RMDN3: variants seen among roughly 807,000 people sequenced by gnomAD.
The protein encoded by RMDN3 is regulator of microtubule dynamics protein 3.
A neutral mutation model predicts 61.8 loss-of-function variants in RMDN3; 41 were observed. The ratio of observed to expected loss-of-function variants is 0.66; its 90% CI spans 0.52 to 0.86. RMDN3 has a LOEUF of 0.86. Ranked by LOEUF, RMDN3 falls within the 40% of genes least tolerant of loss-of-function variation. RMDN3 has a pLI of 0.00. For missense variants in RMDN3, 557 were observed against 585.3 expected, an observed-to-expected ratio of 0.95 and a Z score of 0.50; for synonymous variants, 247 against 232.0, an observed-to-expected ratio of 1.06 and a Z score of -0.59.
rs1452346224 is a variant in RMDN3 at position 40,737,333 on chromosome 15, T to G, written c.1233A>C (p.Glu411Asp). 6.2e-7 allele frequency: 1 copy of G among 1,613,564 alleles called. No homozygotes were observed. The highest frequency in any genetic ancestry group is 1.7e-5 in the Admixed American group (1 of 60,000). The change falls in exon 11 of 13, where the codon GAA (glutamate) becomes GAC (aspartate). Residue 411 changes from glutamate to aspartate, a missense_variant. Coordinates refer to ENST00000338376, the MANE Select transcript of RMDN3 (RefSeq NM_018145.3). Reference protein sequence around the residue: ...DALQSFLKAEELQPGFSKAGR... With the variant: ...DALQSFLKAEDLQPGFSKAGR... ...CTGCTTTGGAAAATCCTGGCTGTAG[T>G]TCTTCAGCCTGGGAAAAGGGACAAA...
intron 5 of RMDN3, 182 bp from the exon 6 acceptor site, chr15:40,744,331 A>G (rs925790399): frequency 3.4e-5 from 20 of 593,062 alleles, no homozygotes; most frequent in South Asian, 2.7e-4. Context: ...CAGTTAATGT[A>G]TGACACATTC....
chr15:40,738,458 T>G (rs777157232), intron 8 of RMDN3, 43 bp downstream of exon 8: 8 of 1,600,422 alleles, frequency 5.0e-6, no homozygotes, highest in Non-Finnish European at 6.8e-6. Flanking sequence ...GTGGGGAATC[T>G]GGGATAGGCC....
rs3214673 is a variant in RMDN3, at chr15:40,740,240, C to CT, written c.911-48dup. The CT allele has an allele frequency of 2.2e-4, 283 of 1,262,178 alleles. No homozygotes were observed. In the East Asian group the frequency reaches 6.0e-3, roughly 27 times the overall value. The allele number at this position is 1,262,178 out of a possible 1,614,324, so 78.2% of individuals were successfully genotyped here. Reference sequence around the variant, plus strand: ...AGAGTTGACATAGCTCTTATGCACACTTTCATAGGAAGGCTTGTGGGAAGA... The same window carrying CT: ...AGAGTTGACATAGCTCTTATGCACACTTTTCATAGGAAGGCTTGTGGGAAGA... On this transcript the variant is annotated intron_variant, in intron 6 of 12. Transcript: ENST00000338376.
chr15:40,736,631 TAAACCAGCATTTTCCC>T, intron 12 of RMDN3, 37 bp from the exon 13 acceptor site: 1 of 1,594,736 alleles, frequency 6.3e-7, no homozygotes, highest in Non-Finnish European at 8.6e-7. Flanking sequence ...GCTCAAAATT[TAAACCAGCATTTTCCC>T]AAACCAGTGG....
intron 6 of RMDN3, among the ~76,000 whole-genome samples, chr15:40,741,562 C>T (rs558785620): frequency 1.9e-4 from 28 of 148,180 alleles, no homozygotes; most frequent in South Asian, 4.3e-4. Flanking sequence ...CTGGAGCTTA[C>T]GGACCACCAG....
chr15:40,737,936 A>C, intron 9 of RMDN3, 29 bp downstream of exon 9: 2 of 1,611,850 alleles, frequency 1.2e-6, no homozygotes, highest in Non-Finnish European at 1.7e-6. Flanking sequence ...ATTTAGGACC[A>C]TTATGTCAAG....
intron 4 of RMDN3, among the ~76,000 whole-genome samples, chr15:40,748,315 C>G (rs556241994): frequency 6.6e-6 from 1 of 152,326 alleles, no homozygotes; most frequent in African/African-American, 2.4e-5. Flanking sequence ...TGGCAATGAC[C>G]ATGGCACAAA....
chr15:40,746,114 G>A (rs1308301720), intron 4 of RMDN3, among the ~76,000 whole-genome samples: 1 of 152,218 alleles, frequency 6.6e-6, no homozygotes, highest in East Asian at 1.9e-4. Flanking sequence ...AGAGGAAGCT[G>A]AGTTTCTCTT....
chr15:40,745,963 G>A (rs935309133), intron 4 of RMDN3, among the ~76,000 whole-genome samples: 1 of 152,190 alleles, frequency 6.6e-6, no homozygotes, highest in Non-Finnish European at 1.5e-5. Flanking sequence ...ACTTAAGGGT[G>A]TGAGGAGAGG....
intron 9 of RMDN3, 106 bp downstream of exon 9, chr15:40,737,859 A>G: frequency 6.8e-7 from 1 of 1,472,180 alleles, no homozygotes; most frequent in Non-Finnish European, 9.5e-7. Context: ...TTCAGAAGAA[A>G]GGGCACCTGA....
chr15:40,754,430 G>C (rs1897953638), intron 2 of RMDN3, among the ~76,000 whole-genome samples, 167 bp downstream of exon 2: 1 of 152,234 alleles, frequency 6.6e-6, no homozygotes, highest in Non-Finnish European at 1.5e-5. Context: ...TTACAGGCGT[G>C]AGCCACCGCG....
intron 8 of RMDN3, 110 bp downstream of exon 8, chr15:40,738,391 G>T: frequency 1.1e-6 from 1 of 920,736 alleles, no homozygotes; most frequent in South Asian, 1.5e-5. Context: ...CAAAAAAAAA[G>T]AAGAAAGGCA....
At chr15:40,746,293 ATC>A (rs1376936933) in intron 4 of RMDN3, among the ~76,000 whole-genome samples, 1 of 152,130 alleles carries the variant, frequency 6.6e-6, no homozygotes, top group African/African-American at 2.4e-5. Flanking sequence ...AGGCGGGCGG[ATC>A]AGGAGGTCAG....
chr15:40,744,508 G>C (rs75299430), intron 5 of RMDN3, among the ~76,000 whole-genome samples: 313 of 151,772 alleles, frequency 2.1e-3, no homozygotes, highest in Non-Finnish European at 2.2e-3. Flanking sequence ...TCTGGGGGGG[G>C]GGCATTTATA....
rs777966210 is a variant in RMDN3, at chr15:40,740,202, C to T, written c.911-9G>A. 54 of 1,602,640 alleles carry T rather than the reference C, an allele frequency of 3.4e-5. No individual in the cohort carries two copies. Among genetic ancestry groups the T allele is most frequent in the Non-Finnish European group, 4.0e-5 (47 of 1,170,832 alleles). On this transcript the variant is annotated splice_polypyrimidine_tract_variant and intron_variant, in intron 6 of 12. Transcript: ENST00000338376. Reference sequence around the variant, plus strand: ...CTCTGCTTCTTCTTTTCCTGTAGGACGAAGGTAGATCCAGAGTTGACATAG... The same window carrying T: ...CTCTGCTTCTTCTTTTCCTGTAGGATGAAGGTAGATCCAGAGTTGACATAG...
chr15:40,753,512 C>CAA (rs1016267304), intron 2 of RMDN3, among the ~76,000 whole-genome samples: 1 of 148,416 alleles, frequency 6.7e-6, no homozygotes, highest in Non-Finnish European at 1.5e-5. Flanking sequence ...GACTCCATCT[C>CAA]AAAAAAAAGA....
intron 4 of RMDN3, among the ~76,000 whole-genome samples, chr15:40,746,370 G>A (rs1269826622): frequency 6.6e-6 from 1 of 152,014 alleles, no homozygotes; most frequent in Non-Finnish European, 1.5e-5. Context: ...CAAAAAATTA[G>A]CCAGGCATGG....
chr15:40,743,791 A>G (rs952078589), intron 6 of RMDN3, among the ~76,000 whole-genome samples: 1 of 152,250 alleles, frequency 6.6e-6, no homozygotes, highest in Admixed American at 6.5e-5. Flanking sequence ...AACGAATAAC[A>G]TTGATAGGAT....
At chr15:40,737,448 G>T in intron 10 of RMDN3, 107 bp from the exon 11 acceptor site, 2 of 1,207,928 alleles carry the variant, frequency 1.7e-6, no homozygotes, top group Non-Finnish European at 1.2e-6. Context: ...TGATTCAGTG[G>T]GTCTGAAGAA....
Sources: gnomAD v4.1 joint callset for allele counts (sites outside exome capture counted in the v4.1 genomes callset) on GRCh38, gnomAD v4.1.1 for gene constraint, MANE v1.5 for transcripts, NCBI Gene and HGNC (gene_info 2026-07-23, HGNC 2026-07-21) for gene names.